Variants in EBF2 observed in about 807,000 individuals in gnomAD.
The protein encoded by EBF2 is transcription factor COE2.
In EBF2, 21 loss-of-function variants were observed where a neutral mutation model predicts 72.8. That is an observed-to-expected ratio of 0.29 (90% CI 0.20 to 0.42). EBF2 has a LOEUF of 0.42. Among genes scored for constraint, EBF2 ranks in the 10% least tolerant of loss-of-function variants. The pLI, the probability that EBF2 is intolerant of heterozygous loss-of-function variation, is 1.00. For synonymous variants in EBF2, 299 were observed against 274.2 expected (o/e 1.09, Z -0.89); for missense variants, 637 against 731.2 (o/e 0.87, Z 1.49).
chr8:25,940,800 A>T (rs755341880), intron 6 of EBF2, among the ~76,000 whole-genome samples: 3 of 152,098 alleles, frequency 2.0e-5, no homozygotes, highest in Middle Eastern at 3.2e-3. Flanking sequence ...GAATGATTTC[A>T]TTCATTGCAT....
intron 6 of EBF2, among the ~76,000 whole-genome samples, chr8:26,028,534 T>C (rs145210233): frequency 2.0e-4 from 30 of 152,334 alleles, no homozygotes; most frequent in Non-Finnish European, 4.4e-4. Context: ...GGGACTCATC[T>C]TCCTTCTCCC....
intron 10 of EBF2, among the ~76,000 whole-genome samples, chr8:25,866,420 C>T (rs1377026451): frequency 7.4e-6 from 1 of 135,642 alleles, no homozygotes; most frequent in Admixed American, 7.9e-5. Context: ...TCTCTTTTGG[C>T]CAGATTTTTT....
At position 25,844,612 on chromosome 8, in the gene EBF2, C is replaced by T. The variant is rs1329777032; in HGVS notation, c.1725G>A (p.Met575Ile). The T allele has an allele frequency of 1.9e-6, 3 of 1,613,858 alleles. No homozygotes were observed. The highest frequency in any genetic ancestry group is 2.5e-6 in the Non-Finnish European group (3 of 1,179,890). ...GCTATAAGAAAGCAGTTCTTCTTTA[C>T]ATCGGGGGTACAACAAGTCCGGTCA... Reference protein sequence around the residue: ...RAMTGLVVPPM With the variant: ...RAMTGLVVPPI The change falls in exon 16 of 16, where the codon ATG becomes ATA. Residue 575 changes from methionine (M) to isoleucine (I), a missense_variant. Transcript: ENST00000520164.
chr8:25,888,511 C>T (rs139941303), intron 8 of EBF2, among the ~76,000 whole-genome samples: 3,753 of 152,226 alleles, frequency 0.025, 70 homozygotes, highest in Middle Eastern at 0.054. Flanking sequence ...GTGTAAATCC[C>T]CTTTCTCTCC....
intron 6 of EBF2, among the ~76,000 whole-genome samples, chr8:25,944,395 T>A (rs1277001092): frequency 1.3e-5 from 2 of 152,142 alleles, no homozygotes; most frequent in Non-Finnish European, 2.9e-5. Flanking sequence ...GGGGCCTCAG[T>A]CTTCACTCCC....
Position 25,843,327 on chromosome 8 carries a change from A to G in EBF2, c.*1282T>C, listed in dbSNP as rs1801769945. On this transcript the variant is annotated 3_prime_UTR_variant, in exon 16 of 16. Coordinates refer to ENST00000520164, the MANE Select transcript of EBF2 (RefSeq NM_022659.4). ...GTTTTTCAAGAGAGTTTAATGCCAT[A>G]AAAGGGGAAATTGACAGGGAGAGGA... 1 of 152,200 alleles carries G rather than the reference A, an allele frequency of 6.6e-6. No individual in the cohort carries two copies. Among genetic ancestry groups the G allele is most frequent in the African/African-American group, 2.4e-5 (1 of 41,432 alleles). The allele number at this position is 152,200 out of a possible 1,614,324, so 9.4% of individuals were successfully genotyped here.
intron 6 of EBF2, among the ~76,000 whole-genome samples, chr8:26,013,694 T>G (rs955240622): frequency 6.9e-6 from 1 of 145,550 alleles, no homozygotes; most frequent in African/African-American, 2.5e-5. Context: ...CACCCACTAT[T>G]AAAAAAAAAA....
In EBF2 at chr8:26,044,662, G is replaced by A. The variant is rs553552154; in HGVS notation, c.131+67C>T. 1.3e-6 allele frequency: 2 copies of A among 1,563,846 alleles called. No homozygotes were observed. The highest frequency in any genetic ancestry group is 2.3e-5 in the East Asian group (1 of 44,072). On this transcript the variant is annotated intron_variant, in intron 1 of 15. Transcript: ENST00000520164. This position sits in a 1 kb window ranked among gnomAD's most constrained non-coding sequence, Gnocchi z 4.1. ...AGAAAGGCACGGGGTGCGCGGGGGGGGTGCACACGGAGAGACAGACCGTAA... is the reference window on the plus strand; with the variant it reads ...AGAAAGGCACGGGGTGCGCGGGGGGAGTGCACACGGAGAGACAGACCGTAA...
intron 6 of EBF2, among the ~76,000 whole-genome samples, chr8:26,028,729 G>A (rs1805345095): frequency 6.6e-6 from 1 of 152,224 alleles, no homozygotes; most frequent in African/African-American, 2.4e-5. Context: ...AAATCCATTT[G>A]AGCCTTTTAT....
chr8:25,847,122 G>A (rs1801856508), intron 15 of EBF2, among the ~76,000 whole-genome samples: 1 of 152,116 alleles, frequency 6.6e-6, no homozygotes, highest in African/African-American at 2.4e-5. Flanking sequence ...GGTGATAATG[G>A]CATGACTTGG....
At chr8:25,850,819 ATTTGGCACACATT>A (rs1243073001) in intron 14 of EBF2, 58 bp from the exon 15 acceptor site, 1 of 1,508,858 alleles carries the variant, frequency 6.6e-7, no homozygotes, top group African/African-American at 1.5e-5. Context: ...CAGTTCACAC[ATTTGGCACACATT>A]TATTGAGAAA....
At chr8:25,984,679 C>T (rs564772680) in intron 6 of EBF2, among the ~76,000 whole-genome samples, 1 of 146,846 alleles carries the variant, frequency 6.8e-6, no homozygotes, top group East Asian at 2.2e-4. Context: ...AAGACTCCAT[C>T]TCAAAAAAAA....
intron 12 of EBF2, 25 bp downstream of exon 12, chr8:25,861,284 A>C (rs372703344): frequency 1.2e-6 from 2 of 1,614,112 alleles, no homozygotes; most frequent in African/African-American, 1.3e-5. Flanking sequence ...AAAACTCAAT[A>C]AAGGATAGGA....
intron 14 of EBF2, among the ~76,000 whole-genome samples, chr8:25,851,721 G>A (rs1801981107): frequency 6.6e-6 from 1 of 152,128 alleles, no homozygotes; most frequent in Non-Finnish European, 1.5e-5. Context: ...AGTGTTGTTG[G>A]AGCCTAATGA....
intron 5 of EBF2, among the ~76,000 whole-genome samples, chr8:26,036,792 A>G (rs1186497549): frequency 6.6e-6 from 1 of 152,148 alleles, no homozygotes; most frequent in East Asian, 1.9e-4. Context: ...GACCAACTTC[A>G]GGTTCAGCTA....
At chr8:25,871,908 C>CT (rs985139850) in intron 10 of EBF2, among the ~76,000 whole-genome samples, 1 of 151,078 alleles carries the variant, frequency 6.6e-6, no homozygotes, top group Admixed American at 6.6e-5. Context: ...TGAATGGTTT[C>CT]TTTTTTAAAG....
intron 10 of EBF2, among the ~76,000 whole-genome samples, chr8:25,883,268 C>T (rs772988171): frequency 1.5e-4 from 23 of 152,144 alleles, no homozygotes; most frequent in African/African-American, 2.2e-4. Context: ...ATTCCTATTT[C>T]GCTTCAAAAA....
intron 7 of EBF2, among the ~76,000 whole-genome samples, chr8:25,902,622 C>G (rs1478857250): frequency 6.6e-6 from 1 of 152,000 alleles, no homozygotes; most frequent in Non-Finnish European, 1.5e-5. Context: ...TAAAACATAT[C>G]GATTGCCTTC....
chr8:26,005,113 C>A lies in EBF2; in HGVS notation c.551+27972G>T, dbSNP rs79716409. Among the ~76,000 whole-genome samples, 511 of 145,646 alleles carry A rather than the reference C, an allele frequency of 3.5e-3. 4 individuals are homozygous for A. Among genetic ancestry groups the A allele is most frequent in the African/African-American group, 0.012 (485 of 39,002 alleles). On this transcript the variant is annotated intron_variant, in intron 6 of 15. Transcript: ENST00000520164. ...AAATCAAATTAAAGTGCAGAATTTT[C>A]TCTTGTCTATTGTGCTTCCTACCGG...
Sources: gnomAD v4.1 joint callset for allele counts (sites outside exome capture counted in the v4.1 genomes callset) on GRCh38, gnomAD v4.1.1 for gene constraint, Gnocchi (gnomAD v3.1) non-coding constraint, MANE v1.5 for transcripts, NCBI Gene and HGNC (gene_info 2026-07-23, HGNC 2026-07-21) for gene names.